EIF1: variants seen among roughly 807,000 people sequenced by gnomAD.
The protein encoded by EIF1 is protein translation factor SUI1 homolog.
A neutral mutation model predicts 13.7 loss-of-function variants in EIF1; 4 were observed. That is an observed-to-expected ratio of 0.29 (90% CI 0.14 to 0.67). The LOEUF (loss-of-function observed/expected upper bound fraction) is 0.67, where lower values mean the gene tolerates loss of function less well. Among genes scored for constraint, EIF1 ranks in the 30% least tolerant of loss-of-function variants. The pLI is 0.77. For synonymous variants in EIF1, 67 were observed against 50.7 expected (o/e 1.32, Z -1.37); for missense variants, 64 against 138.0 (o/e 0.46, Z 2.69).
At position 41,689,763 on chromosome 17, in the gene EIF1, A is replaced by G; in HGVS notation, c.32-15A>G. ...ATCTTTGACAGCTCTGAACGAGCTTAACCTTTTTTTTCAGACCCCTTTGCT... is the reference window on the plus strand; with the variant it reads ...ATCTTTGACAGCTCTGAACGAGCTTGACCTTTTTTTTCAGACCCCTTTGCT... On this transcript the variant is annotated splice_polypyrimidine_tract_variant and intron_variant, in intron 1 of 3. Transcript: ENST00000469257. 6.3e-7 allele frequency: 1 copy of G among 1,585,010 alleles called. No individual in the cohort carries two copies. The highest frequency in any genetic ancestry group is 8.6e-7 in the Non-Finnish European group (1 of 1,164,208).
At position 41,688,959 on chromosome 17, in the gene EIF1, C is replaced by G. The variant is rs28362599; in HGVS notation, c.-80C>G. On this transcript the variant is annotated 5_prime_UTR_variant, in exon 1 of 4. Coordinates refer to ENST00000469257, the MANE Select transcript of EIF1 (RefSeq NM_005801.4). ...CCCCCTCGCTTCCCGACGTTCCGTT[C>G]CCCCCTGCCCGCCTTCTCCCGCCAC... is the stretch of plus-strand genomic sequence containing the variant. 1.0e-5 allele frequency: 15 copies of G among 1,467,712 alleles called. No individual in the cohort carries two copies. The highest frequency in any genetic ancestry group is 6.9e-5 in the South Asian group (6 of 87,472). 90.9% of individuals were successfully genotyped at this position (1,467,712 alleles called of 1,614,324 possible).
At position 41,690,928 on chromosome 17, in the gene EIF1, A is replaced by G. The variant is rs766626820; in HGVS notation, c.*102A>G. On this transcript the variant is annotated 3_prime_UTR_variant, in exon 4 of 4. Coordinates refer to ENST00000469257, the MANE Select transcript of EIF1 (RefSeq NM_005801.4). The stretch of plus-strand genomic sequence containing the variant: ...GTTTAAAAACCTCACAGCTTGTATA[A>G]TGTAACCATTTGGGGTCCGCTTTTA... 44 of 1,366,236 alleles carry G rather than the reference A, an allele frequency of 3.2e-5. 1 individual carries two copies. In the South Asian group the frequency reaches 5.0e-4, roughly 16 times the overall value. 84.6% of individuals were successfully genotyped at this position (1,366,236 alleles called of 1,614,324 possible). A position where few individuals can be genotyped will look rare whatever the true frequency, so the allele number is the denominator to read the frequency against.
At chr17:41,690,649 T>A (rs1339869082) in intron 3 of EIF1, 133 bp from the exon 4 acceptor site, 3 of 889,990 alleles carry the variant, frequency 3.4e-6, no homozygotes, top group African/African-American at 1.7e-5. Context: ...CTGAGGACCC[T>A]CTGTTGAACC....
intron 1 of EIF1, chr17:41,689,369 G>A: frequency 1.8e-6 from 1 of 547,984 alleles, no homozygotes; most frequent in Non-Finnish European, 3.2e-6. Flanking sequence ...ATTGCGTCAC[G>A]TCCGTTACGT....
In EIF1 at chr17:41,692,199, C is replaced by G. The variant is rs974910369; in HGVS notation, c.*1373C>G. On this transcript the variant is annotated 3_prime_UTR_variant, in exon 4 of 4. Coordinates refer to ENST00000469257, the MANE Select transcript of EIF1 (RefSeq NM_005801.4). The stretch of plus-strand genomic sequence containing the variant: ...AATCTTGGCGCCCCCTCAGTAGTAA[C>G]AGCCTTGGTTTAAGGGCGCAGAGTG... The G allele has an allele frequency of 6.6e-6, 1 of 152,260 alleles. No individual in the cohort carries two copies. Among genetic ancestry groups the G allele is most frequent in the African/African-American group, 2.4e-5 (1 of 41,448 alleles). The allele number at this position is 152,260 out of a possible 1,614,324, so 9.4% of individuals were successfully genotyped here.
At position 41,690,194 on chromosome 17, in the gene EIF1, G is replaced by A. The variant is rs1192585462; in HGVS notation, c.297+5G>A. The stretch of plus-strand genomic sequence containing the variant: ...ATATGCCAGTTCCTCGTAGAGGTGA[G>A]TTCAGTCACTACTTGATTTGTGCCT... On this transcript the variant is annotated splice_donor_5th_base_variant and intron_variant, in intron 3 of 3. Transcript: ENST00000469257. The A allele has an allele frequency of 1.9e-6, 3 of 1,608,520 alleles. No homozygotes were observed. The African/African-American group carries it at 4.0e-5, about 21-fold the overall frequency.
At position 41,688,923 on chromosome 17, in the gene EIF1, T is replaced by TC. The variant is rs1269918396; in HGVS notation, c.-111dup. ...AGCCGCCGCCGAGGATTCAGCAGCCTCCCCCTTGAGCCCCCTCGCTTCCCG... is the reference window on the plus strand; with the variant it reads ...AGCCGCCGCCGAGGATTCAGCAGCCTCCCCCCTTGAGCCCCCTCGCTTCCCG... On this transcript the variant is annotated 5_prime_UTR_variant, in exon 1 of 4. Coordinates refer to ENST00000469257, the MANE Select transcript of EIF1 (RefSeq NM_005801.4). 6.7e-6 allele frequency: 7 copies of TC among 1,049,364 alleles called. No homozygotes were observed. The highest frequency in any genetic ancestry group is 2.2e-4 in the Middle Eastern group (1 of 4,588). The allele number at this position is 1,049,364 out of a possible 1,614,324, so 65.0% of individuals were successfully genotyped here. A position where few individuals can be genotyped will look rare whatever the true frequency, so the allele number is the denominator to read the frequency against.
rs567389920 is a variant in EIF1, at chr17:41,690,031, G to A, written c.196-57G>A. ...GTTGTATGTATTGTTAGCGGAAGGG[G>A]TGATAAATGCGTTCATGCTCTTGCT... On this transcript the variant is annotated intron_variant, in intron 2 of 3. Transcript: ENST00000469257. 5 of 1,609,876 alleles carry A rather than the reference G, an allele frequency of 3.1e-6. No homozygotes were observed. In the African/African-American group the frequency reaches 4.0e-5, roughly 13 times the overall value.
chr17:41,690,450 C>A (rs142952060), intron 3 of EIF1: 1 of 551,710 alleles, frequency 1.8e-6, no homozygotes, highest in African/African-American at 1.9e-5. Flanking sequence ...AAGCCAAATG[C>A]TGGGTTGTTC....
Position 41,692,188 on chromosome 17 carries a change from C to T in EIF1, c.*1362C>T, listed in dbSNP as rs576675174. ...GGTTGCTTGGAAATCTTGGCGCCCC[C>T]TCAGTAGTAACAGCCTTGGTTTAAG... On this transcript the variant is annotated 3_prime_UTR_variant, in exon 4 of 4. Coordinates refer to ENST00000469257, the MANE Select transcript of EIF1 (RefSeq NM_005801.4). The T allele has an allele frequency of 6.6e-6, 1 of 152,246 alleles. No homozygotes were observed. Among genetic ancestry groups the T allele is most frequent in the Non-Finnish European group, 1.5e-5 (1 of 68,066 alleles). 9.4% of individuals were successfully genotyped at this position (152,246 alleles called of 1,614,324 possible).
chr17:41,689,351 C>T (rs936966841), intron 1 of EIF1: 14 of 565,076 alleles, frequency 2.5e-5, no homozygotes, highest in South Asian at 1.5e-4. Flanking sequence ...CCCGCCCCTC[C>T]CGTCACCATT....
chr17:41,689,750 T>G, intron 1 of EIF1, 28 bp from the exon 2 acceptor site: 1 of 1,566,440 alleles, frequency 6.4e-7, no homozygotes, highest in East Asian at 2.3e-5. Flanking sequence ...CTTTGACAGC[T>G]CTGAACGAGC....
chr17:41,689,747 A>G, intron 1 of EIF1, 31 bp from the exon 2 acceptor site: 17 of 1,556,018 alleles, frequency 1.1e-5, no homozygotes, highest in Non-Finnish European at 1.5e-5. Flanking sequence ...TATCTTTGAC[A>G]GCTCTGAACG....
intron 1 of EIF1, 123 bp from the exon 2 acceptor site, chr17:41,689,655 C>G (rs1567766543): frequency 9.9e-7 from 1 of 1,007,742 alleles, no homozygotes; most frequent in African/African-American, 1.6e-5. Flanking sequence ...ACACATTCGG[C>G]CTGGCCCAAG....
Position 41,689,827 on chromosome 17 carries a change from T to G in EIF1, c.81T>G (p.Thr27=), listed in dbSNP as rs1910321686. The G allele has an allele frequency of 3.1e-6, 5 of 1,613,584 alleles. No homozygotes were observed. Among genetic ancestry groups the G allele is most frequent in the Non-Finnish European group, 3.4e-6 (4 of 1,179,692 alleles). Residue 27 remains threonine, a synonymous_variant, in exon 2 of 4, where the codon ACT becomes ACG. Transcript: ENST00000469257. ...SKGDDLLPAG[T]EDYIHIRIQQ... ...GTGATGACCTGCTTCCTGCTGGCAC[T>G]GAGGATTATATCCATATAAGAATTC... is the stretch of plus-strand genomic sequence containing the variant.
intron 1 of EIF1, 59 bp downstream of exon 1, chr17:41,689,128 G>A: frequency 1.3e-6 from 2 of 1,590,808 alleles, no homozygotes; most frequent in South Asian, 1.1e-5. Flanking sequence ...CGGGCCCGGA[G>A]ACGTGTTCCG....
At position 41,692,465 on chromosome 17, in the gene EIF1, C is replaced by T. The variant is rs190443071; in HGVS notation, c.*1639C>T. 11 of 152,210 alleles carry T rather than the reference C, an allele frequency of 7.2e-5. No homozygotes were observed. Among genetic ancestry groups the T allele is most frequent in the Admixed American group, 5.9e-4 (9 of 15,284 alleles). 9.4% of individuals were successfully genotyped at this position (152,210 alleles called of 1,614,324 possible). ...TTTAGTTAAAAAGGCAAAGTTCTTT[C>T]AGCACACATATCTGCATGCAGTCAC... is the stretch of plus-strand genomic sequence containing the variant. On this transcript the variant is annotated 3_prime_UTR_variant, in exon 4 of 4. Transcript: ENST00000469257.
chr17:41,689,251 C>T (rs1295267170), intron 1 of EIF1, 182 bp downstream of exon 1: 6 of 690,638 alleles, frequency 8.7e-6, no homozygotes, highest in Non-Finnish European at 1.4e-5. Context: ...TGAGCGCGAC[C>T]GGAAGGAGCA....
Position 41,691,173 on chromosome 17 carries a change from C to G in EIF1, c.*347C>G, listed in dbSNP as rs542894484. 13 of 471,240 alleles carry G rather than the reference C, an allele frequency of 2.8e-5. No individual in the cohort carries two copies. Among genetic ancestry groups the G allele is most frequent in the African/African-American group, 1.9e-4 (10 of 51,844 alleles). 29.2% of individuals were successfully genotyped at this position (471,240 alleles called of 1,614,324 possible). ...CTCTCCCTCTGCAGAGTTCCCTACC[C>G]TAAGAGAATGTTACCACCTGAACAG... On this transcript the variant is annotated 3_prime_UTR_variant, in exon 4 of 4. Coordinates refer to ENST00000469257, the MANE Select transcript of EIF1 (RefSeq NM_005801.4).
Sources: allele counts gnomAD v4.1 joint callset, GRCh38; gene constraint gnomAD v4.1.1; transcripts MANE v1.5; gene names NCBI Gene and HGNC (gene_info 2026-07-23, HGNC 2026-07-21).